Variants in PREPL observed in about 807,000 individuals in gnomAD.
PREPL encodes the protein prolyl endopeptidase-like.
PREPL carries 77 observed loss-of-function variants against 70.6 expected under a neutral mutation model. The ratio of observed to expected loss-of-function variants is 1.09; its 90% CI spans 0.91 to 1.32. The LOEUF is 1.32. Ranked by LOEUF, PREPL falls within the 40% of genes most tolerant of loss-of-function variation. The pLI is 0.00. For missense variants in PREPL, 1,002 were observed against 778.2 expected (o/e 1.29, Z -3.42); for synonymous variants, 315 against 264.8 (o/e 1.19, Z -1.84).
chr2:44,354,069 C>T (rs11888696), intron 1 of PREPL, among the ~76,000 whole-genome samples: 19,864 of 152,026 alleles, frequency 0.13, 4,218 homozygotes, highest in African/African-American at 0.45. Context: ...GGCAGGAAGA[C>T]AGCACGAGCC....
At chr2:44,328,438 CAAAAAAAAAA>C (rs1194898905) in intron 9 of PREPL, among the ~76,000 whole-genome samples, 2 of 61,190 alleles carry the variant, frequency 3.3e-5, no homozygotes, top group Non-Finnish European at 5.6e-5. Flanking sequence ...CTGTCTCAAA[CAAAAAAAAAA>C]AAAAAAAAAA....
At chr2:44,327,360 T>C (rs1673618250) in intron 9 of PREPL, among the ~76,000 whole-genome samples, 1 of 152,202 alleles carries the variant, frequency 6.6e-6, no homozygotes, top group South Asian at 2.1e-4. Context: ...TTTAAGGTAT[T>C]ACAGGAGCAG....
In PREPL at chr2:44,329,092, C is replaced by G. The variant is rs767621779; in HGVS notation, c.1107G>C (p.Met369Ile). 1 of 1,602,520 alleles carries G rather than the reference C, an allele frequency of 6.2e-7. No individual in the cohort carries two copies. Among genetic ancestry groups the G allele is most frequent in the East Asian group, 2.2e-5 (1 of 44,820 alleles). ...AKSKDGKLVP[M>I]TVFHKTDSED... ...CAGAGTCAGTTTTGTGGAAAACAGT[C>G]ATTGGCACTAATTTTCCATCCTAGA... Residue 369 changes from methionine (M) to isoleucine (I), a missense_variant, in exon 9 of 14, where the codon ATG (methionine) becomes ATC (isoleucine). Transcript: ENST00000409411.
intron 1 of PREPL, 151 bp from the exon 2 acceptor site, chr2:44,346,541 C>A: frequency 1.5e-6 from 1 of 665,914 alleles, no homozygotes; most frequent in Non-Finnish European, 2.5e-6. Context: ...TGTAAATGTT[C>A]TTTCCTAGGC....
In PREPL at chr2:44,321,321, C is replaced by T; in HGVS notation, c.*35G>A. ...TTGGAAGTAAGACTATGAAATATTT[C>T]AGTGTGTTTCCAATTCCCAGTTGAA... is the stretch of plus-strand genomic sequence containing the variant. On this transcript the variant is annotated 3_prime_UTR_variant, in exon 14 of 14. Coordinates refer to ENST00000409411, the MANE Select transcript of PREPL (RefSeq NM_001171613.2). The T allele has an allele frequency of 6.7e-7, 1 of 1,490,708 alleles. No individual in the cohort carries two copies. Among genetic ancestry groups the T allele is most frequent in the Non-Finnish European group, 9.3e-7 (1 of 1,073,798 alleles). 92.3% of individuals were successfully genotyped at this position (1,490,708 alleles called of 1,614,324 possible). A position where few individuals can be genotyped will look rare whatever the true frequency, so the allele number is the denominator to read the frequency against.
At chr2:44,359,666 G>C (rs150089029) in intron 1 of PREPL, 1 of 1,613,366 alleles carries the variant, frequency 6.2e-7, no homozygotes, top group Non-Finnish European at 8.5e-7. Flanking sequence ...TCCAAGGTGA[G>C]GAATACTATA....
At chr2:44,349,173 G>C (rs1375267025) in intron 1 of PREPL, among the ~76,000 whole-genome samples, 1 of 152,200 alleles carries the variant, frequency 6.6e-6, no homozygotes, top group Non-Finnish European at 1.5e-5. Context: ...TCATGGCAAA[G>C]ATGCTGAACT....
chr2:44,345,982 T>A (rs75345516), intron 2 of PREPL, among the ~76,000 whole-genome samples: 49 of 147,342 alleles, frequency 3.3e-4, no homozygotes, highest in African/African-American at 1.2e-3. Context: ...TCTCTTGAAA[T>A]TTTTTTTTTT....
intron 1 of PREPL, among the ~76,000 whole-genome samples, chr2:44,353,552 C>CCATCCA (rs1558519330): frequency 5.3e-5 from 8 of 151,156 alleles, no homozygotes; most frequent in African/African-American, 1.5e-4. Flanking sequence ...GGCACCACTG[C>CCATCCA]ACTCCAACCT....
At chr2:44,359,388 G>C (rs1677412840) in intron 1 of PREPL, 5 of 902,648 alleles carry the variant, frequency 5.5e-6, no homozygotes, top group Non-Finnish European at 8.4e-6. Flanking sequence ...GAAAAATCAA[G>C]TTAGAATTAC....
In PREPL at chr2:44,326,662, G is replaced by A. The variant is rs566458351; in HGVS notation, c.1479+50C>T. 6 of 1,561,686 alleles carry A rather than the reference G, an allele frequency of 3.8e-6. No individual in the cohort carries two copies. In the Admixed American group the frequency reaches 5.0e-5, roughly 13 times the overall value. On this transcript the variant is annotated intron_variant, in intron 10 of 13. Transcript: ENST00000409411. ...AAACATTTTTCTTAGAGTAGCCTAT[G>A]GCTTCACACCTCCCCCATTCTATAA...
At chr2:44,354,216 T>G (rs1184369664) in intron 1 of PREPL, among the ~76,000 whole-genome samples, 1 of 152,104 alleles carries the variant, frequency 6.6e-6, no homozygotes, top group Non-Finnish European at 1.5e-5. Flanking sequence ...ATGGGATGAT[T>G]TCTGGGGTAT....
chr2:44,344,816 A>T (rs1675611621), intron 2 of PREPL, among the ~76,000 whole-genome samples: 1 of 152,230 alleles, frequency 6.6e-6, no homozygotes, highest in African/African-American at 2.4e-5. Context: ...TAAATACAAG[A>T]GGCAATAAAG....
At chr2:44,355,347 G>A (rs938092886) in intron 1 of PREPL, among the ~76,000 whole-genome samples, 1 of 152,134 alleles carries the variant, frequency 6.6e-6, no homozygotes, top group Non-Finnish European at 1.5e-5. Context: ...TGGGCTTCCA[G>A]ACCAGCCTAG....
chr2:44,325,174 A>G (rs543944907), intron 10 of PREPL, among the ~76,000 whole-genome samples: 1 of 152,320 alleles, frequency 6.6e-6, no homozygotes, highest in African/African-American at 2.4e-5. Flanking sequence ...TTTTCCCTGC[A>G]GCTTGGGAGT....
chr2:44,359,019 C>T (rs1478237836), intron 1 of PREPL, among the ~76,000 whole-genome samples: 1 of 151,300 alleles, frequency 6.6e-6, no homozygotes, highest in African/African-American at 2.4e-5. Flanking sequence ...TTTTTATAAA[C>T]CTACATTTTT....
At position 44,329,158 on chromosome 2, in the gene PREPL, A is replaced by G. The variant is rs147411016; in HGVS notation, c.1087-46T>C. 2.5e-4 allele frequency: 365 copies of G among 1,485,510 alleles called. 3 individuals are homozygous for G. In the East Asian group the frequency reaches 6.5e-3, roughly 26 times the overall value. The allele number at this position is 1,485,510 out of a possible 1,614,324, so 92.0% of individuals were successfully genotyped here. A position where few individuals can be genotyped will look rare whatever the true frequency, so the allele number is the denominator to read the frequency against. On this transcript the variant is annotated intron_variant, in intron 8 of 13. Coordinates refer to ENST00000409411, the MANE Select transcript of PREPL (RefSeq NM_001171613.2). Reference sequence around the variant, plus strand: ...TGTATGTAAAGAAGAGTCTTTTATAATAACTGTTTTATCCCAATTTAAAAT... The same window carrying G: ...TGTATGTAAAGAAGAGTCTTTTATAGTAACTGTTTTATCCCAATTTAAAAT...
rs1227356446 is a variant in PREPL at position 44,326,839 on chromosome 2, T to C, written c.1352A>G (p.Lys451Arg). 6.2e-7 allele frequency: 1 copy of C among 1,614,194 alleles called. No homozygotes were observed. The highest frequency in any genetic ancestry group is 1.7e-5 in the Admixed American group (1 of 60,026). The change falls in exon 10 of 14, where the codon AAG becomes AGG. Residue 451 changes from lysine to arginine, a missense_variant. By Grantham distance (26) the Lys-to-Arg change is conservative. Coordinates refer to ENST00000409411, the MANE Select transcript of PREPL (RefSeq NM_001171613.2). ...AGAAAAGCCTTGGCCATGAAGCGTC[T>C]TAATGCAAGCCTCTAAATCAGCAAG... ...NGLADLEACI[K>R]TLHGQGFSQP... is the part of the protein sequence containing the mutation.
chr2:44,321,334 A>G lies in PREPL; in HGVS notation c.*22T>C, dbSNP rs1672920537. ...TATGAAATATTTCAGTGTGTTTCCA[A>G]TTCCCAGTTGAATGCAGTGTTTCAG... On this transcript the variant is annotated 3_prime_UTR_variant, in exon 14 of 14. Coordinates refer to ENST00000409411, the MANE Select transcript of PREPL (RefSeq NM_001171613.2). The G allele has an allele frequency of 6.4e-7, 1 of 1,560,988 alleles. No homozygotes were observed.
Sources: gnomAD v4.1 joint callset for allele counts (sites outside exome capture counted in the v4.1 genomes callset) on GRCh38, gnomAD v4.1.1 for gene constraint, MANE v1.5 for transcripts, NCBI Gene and HGNC (gene_info 2026-07-23, HGNC 2026-07-21) for gene names.